PAX2: variants seen among roughly 807,000 people sequenced by gnomAD.
PAX2 encodes the protein paired box protein Pax-2.
Under a neutral mutation model 41.7 loss-of-function variants are expected in PAX2, and 9 were observed. That is an observed-to-expected ratio of 0.22 (90% CI 0.13 to 0.38). PAX2 has a LOEUF of 0.38. Among genes scored for constraint, PAX2 ranks in the 10% least tolerant of loss-of-function variants. The pLI, the probability that PAX2 is intolerant of heterozygous loss-of-function variation, is 1.00. For missense variants in PAX2, 418 were observed against 531.6 expected, an observed-to-expected ratio of 0.79 and a Z score of 2.10; for synonymous variants, 221 against 212.7, an observed-to-expected ratio of 1.04 and a Z score of -0.34.
In PAX2 at chr10:100,787,664, C is replaced by T. The variant is rs974146442; in HGVS notation, c.616+6299C>T. 3.9e-5 allele frequency among the ~76,000 whole-genome samples: 6 copies of T among 152,014 alleles called. No homozygotes were observed. In the South Asian group the frequency reaches 1.0e-3, roughly 26 times the overall value. ...ATCAGCCTCACTTTAACTTCAGGGT[C>T]ATTAATTCCCTGATTATTGAAGGAG... is the stretch of plus-strand genomic sequence containing the variant. On this transcript the variant is annotated intron_variant, in intron 5 of 9. Coordinates refer to ENST00000355243, the MANE Select transcript of PAX2 (RefSeq NM_000278.5).
chr10:100,742,425 C>T (rs116624476), upstream of PAX2, among the ~76,000 whole-genome samples: 11,060 of 151,940 alleles, frequency 0.073, 575 homozygotes, highest in African/African-American at 0.14. Context: ...AAAACCAGGC[C>T]GGCAGTAGCT....
chr10:100,754,753 T>C (rs186668846), intron 3 of PAX2, among the ~76,000 whole-genome samples: 122 of 152,238 alleles, frequency 8.0e-4, no homozygotes, highest in Middle Eastern at 3.4e-3. Context: ...CGGGCTAGGG[T>C]CTGTTTCTCC....
chr10:100,797,404 G>A (rs909760563), intron 5 of PAX2, among the ~76,000 whole-genome samples: 2 of 152,208 alleles, frequency 1.3e-5, no homozygotes, highest in Admixed American at 6.5e-5. Context: ...CATCTGTGAG[G>A]CGTGTAACCT....
chr10:100,784,586 T>G (rs1846772449), intron 5 of PAX2, among the ~76,000 whole-genome samples: 1 of 152,186 alleles, frequency 6.6e-6, no homozygotes, highest in Non-Finnish European at 1.5e-5. Flanking sequence ...ATTCTTCAGC[T>G]CTAACAATGT....
chr10:100,789,392 G>A (rs961518506), intron 5 of PAX2, among the ~76,000 whole-genome samples: 8 of 152,158 alleles, frequency 5.3e-5, no homozygotes, highest in African/African-American at 1.2e-4. Context: ...AGGCATGAGC[G>A]ACTGTGCCCA....
intron 3 of PAX2, among the ~76,000 whole-genome samples, chr10:100,764,366 T>C (rs1312950258): frequency 6.6e-6 from 1 of 152,074 alleles, no homozygotes; most frequent in Non-Finnish European, 1.5e-5. Flanking sequence ...ATGGTCTCGA[T>C]CTCCTGACCT....
chr10:100,748,193 T>G lies in PAX2; in HGVS notation c.44-1553T>G. ...GGGCCCTGAGCCCGGGGAGGCTGAA[T>G]TATTCATCTTTAATCTGCCCGCAGC... On this transcript the variant is annotated intron_variant, in intron 1 of 9. Coordinates refer to ENST00000355243, the MANE Select transcript of PAX2 (RefSeq NM_000278.5). This position sits in a 1 kb window ranked among gnomAD's most constrained non-coding sequence, Gnocchi z 5.0. The G allele has an allele frequency of 1.0e-6, 1 of 984,764 alleles. No individual in the cohort carries two copies. Among genetic ancestry groups the G allele is most frequent in the Non-Finnish European group, 1.2e-6 (1 of 829,782 alleles). The allele number at this position is 984,764 out of a possible 1,614,324, so 61.0% of individuals were successfully genotyped here. A position where few individuals can be genotyped will look rare whatever the true frequency, so the allele number is the denominator to read the frequency against.
intron 3 of PAX2, among the ~76,000 whole-genome samples, chr10:100,778,689 TC>T (rs1403344831): frequency 6.6e-6 from 1 of 152,126 alleles, no homozygotes; most frequent in Non-Finnish European, 1.5e-5. Flanking sequence ...GTTTTTCAGA[TC>T]CCTGAAAAGC....
At chr10:100,822,747 G>T (rs1370031320) in intron 7 of PAX2, among the ~76,000 whole-genome samples, 1 of 152,170 alleles carries the variant, frequency 6.6e-6, no homozygotes, top group Admixed American at 6.5e-5. Context: ...AAGAAGAAAA[G>T]GTCATGGCAA....
intron 7 of PAX2, among the ~76,000 whole-genome samples, chr10:100,813,731 T>G (rs550178185): frequency 6.6e-6 from 1 of 152,288 alleles, no homozygotes; most frequent in South Asian, 2.1e-4. Flanking sequence ...ATGAGTATGT[T>G]GCAGGAAACC....
chr10:100,752,623 G>T (rs981269196), intron 3 of PAX2, among the ~76,000 whole-genome samples: 1 of 152,218 alleles, frequency 6.6e-6, no homozygotes, highest in Non-Finnish European at 1.5e-5. Flanking sequence ...GAACATTTAA[G>T]AGAAATGCTT....
At chr10:100,758,405 G>T (rs980701394) in intron 3 of PAX2, among the ~76,000 whole-genome samples, 5 of 152,096 alleles carry the variant, frequency 3.3e-5, no homozygotes, top group Non-Finnish European at 2.9e-5. Context: ...CTCCCAGATT[G>T]CTGGGATTAC....
chr10:100,764,138 T>A (rs1008921410), intron 3 of PAX2, among the ~76,000 whole-genome samples: 2 of 64,502 alleles, frequency 3.1e-5, no homozygotes, highest in African/African-American at 2.5e-4. Context: ...AACATTGAAT[T>A]TTTTTTTTTT....
intron 7 of PAX2, among the ~76,000 whole-genome samples, chr10:100,810,948 T>C (rs952585880): frequency 9.2e-5 from 14 of 152,208 alleles, no homozygotes; most frequent in African/African-American, 3.4e-4. Flanking sequence ...AAAGTTCATT[T>C]CAGACCCAGC....
chr10:100,827,051 C>A lies in PAX2; in HGVS notation c.1064C>A (p.Thr355Lys), dbSNP rs1323981536. The A allele has an allele frequency of 6.2e-7, 1 of 1,613,592 alleles. No homozygotes were observed. Among genetic ancestry groups the A allele is most frequent in the Non-Finnish European group, 8.5e-7 (1 of 1,179,540 alleles). Reference sequence around the variant, plus strand: ...AACCCGTACAGCCACCCCCAGTACACGGCCTACAACGAGGCTTGGAGATTC... The same window carrying A: ...AACCCGTACAGCCACCCCCAGTACAAGGCCTACAACGAGGCTTGGAGATTC... Reference protein sequence around the residue: ...SGNPYSHPQYTAYNEAWRFSN... With the variant: ...SGNPYSHPQYKAYNEAWRFSN... Residue 355 changes from threonine (T) to lysine (K), a missense_variant, in exon 9 of 10, where the codon ACG (threonine) becomes AAG (lysine). Transcript: ENST00000355243. The surrounding 1 kb of genome is among the most constrained non-coding windows in gnomAD (Gnocchi z 8.5).
At chr10:100,756,823 C>G (rs1741219484) in intron 3 of PAX2, among the ~76,000 whole-genome samples, 1 of 152,182 alleles carries the variant, frequency 6.6e-6, no homozygotes, top group Non-Finnish European at 1.5e-5. Flanking sequence ...GCCAGGTGTC[C>G]AGAGCTCAGA....
intron 3 of PAX2, among the ~76,000 whole-genome samples, chr10:100,765,426 C>T (rs1445996339): frequency 6.6e-6 from 1 of 152,232 alleles, no homozygotes; most frequent in East Asian, 1.9e-4. Context: ...TACAGAGTCA[C>T]TTATCTGATA....
chr10:100,776,377 C>G (rs1373982967), intron 3 of PAX2, among the ~76,000 whole-genome samples: 3 of 152,196 alleles, frequency 2.0e-5, no homozygotes, highest in African/African-American at 7.2e-5. Context: ...TCCTAATTCC[C>G]TTCGGTCCCC....
Position 100,829,008 on chromosome 10 carries a change from C to T in PAX2, c.*1389C>T, listed in dbSNP as rs1848686819. On this transcript the variant is annotated 3_prime_UTR_variant, in exon 10 of 10. Coordinates refer to ENST00000355243, the MANE Select transcript of PAX2 (RefSeq NM_000278.5). ...CCGCTGTCTGTGCTGTGAGAGTCGCCGCTCGCTGGGGGGGAAGGGGGGGAC... is the reference window on the plus strand; with the variant it reads ...CCGCTGTCTGTGCTGTGAGAGTCGCTGCTCGCTGGGGGGGAAGGGGGGGAC... 4.5e-6 allele frequency: 1 copy of T among 222,184 alleles called. No individual in the cohort carries two copies. Among genetic ancestry groups the T allele is most frequent in the Non-Finnish European group, 9.0e-6 (1 of 111,468 alleles). 13.8% of individuals were successfully genotyped at this position (222,184 alleles called of 1,614,324 possible). A position where few individuals can be genotyped will look rare whatever the true frequency, so the allele number is the denominator to read the frequency against.
Sources: allele counts gnomAD v4.1 joint callset (sites outside exome capture counted in the v4.1 genomes callset), GRCh38; gene constraint gnomAD v4.1.1; non-coding constraint Gnocchi (gnomAD v3.1); transcripts MANE v1.5; gene names NCBI Gene and HGNC (gene_info 2026-07-23, HGNC 2026-07-21).